The following CDH12 variants were observed in gnomAD, a reference collection of about 807,000 sequenced individuals.
CDH12 encodes cadherin 12.
In CDH12, 41 loss-of-function variants were observed where a neutral mutation model predicts 74.1. The ratio of observed to expected loss-of-function variants is 0.55; its 90% CI spans 0.43 to 0.72. CDH12 has a LOEUF of 0.72. Among genes scored for constraint, CDH12 ranks in the 30% least tolerant of loss-of-function variants. CDH12 has a pLI of 0.00. For missense variants in CDH12, 945 were observed against 977.2 expected, an observed-to-expected ratio of 0.97 and a Z score of 0.44; for synonymous variants, 399 against 355.0, an observed-to-expected ratio of 1.12 and a Z score of -1.39.
rs542928100 is a variant in CDH12 at position 22,713,992 on chromosome 5, C to G, written c.-523+139066G>C. Among the ~76,000 whole-genome samples the G allele has an allele frequency of 2.0e-5, 3 of 152,102 alleles. No individual in the cohort carries two copies. The South Asian group carries it at 6.2e-4, about 32-fold the overall frequency. ...GTTAAGGCCAAATTACCTTGTTGTCCTTGTCCTATTTCACGTTATGTTGTT... is the reference window on the plus strand; with the variant it reads ...GTTAAGGCCAAATTACCTTGTTGTCGTTGTCCTATTTCACGTTATGTTGTT... On this transcript the variant is annotated intron_variant, in intron 1 of 14. Transcript: ENST00000382254.
Position 22,016,482 on chromosome 5 carries a change from G to A in CDH12, c.232-41097C>T, listed in dbSNP as rs1370045426. Among the ~76,000 whole-genome samples the A allele has an allele frequency of 4.6e-5, 7 of 151,794 alleles. No homozygotes were observed. The East Asian group carries it at 7.8e-4, about 17-fold the overall frequency. On this transcript the variant is annotated intron_variant, in intron 5 of 14. Coordinates refer to ENST00000382254, the MANE Select transcript of CDH12 (RefSeq NM_004061.5). ...GCAATCTCGACTCACTTCAACCTCCGCCTCCTGGGTTCAAGTGATTCTCCT... is the reference window on the plus strand; with the variant it reads ...GCAATCTCGACTCACTTCAACCTCCACCTCCTGGGTTCAAGTGATTCTCCT...
intron 5 of CDH12, among the ~76,000 whole-genome samples, chr5:21,999,736 C>T (rs1180319571): frequency 1.3e-5 from 2 of 151,056 alleles, no homozygotes; most frequent in Non-Finnish European, 2.9e-5. Flanking sequence ...AGTATATATA[C>T]TCAGCACTAG....
At chr5:22,234,277 C>A (rs913546836) in intron 3 of CDH12, among the ~76,000 whole-genome samples, 5 of 152,090 alleles carry the variant, frequency 3.3e-5, no homozygotes, top group African/African-American at 1.2e-4. Flanking sequence ...AAATCTCAAC[C>A]TGAATTGAGC....
chr5:22,762,117 A>G (rs1746259674), intron 1 of CDH12, among the ~76,000 whole-genome samples: 1 of 152,154 alleles, frequency 6.6e-6, no homozygotes, highest in South Asian at 2.1e-4. Flanking sequence ...ATCAAAGTCT[A>G]AAACCTAACC....
At position 22,231,171 on chromosome 5, in the gene CDH12, T is replaced by A. The variant is rs73062559; in HGVS notation, c.-332-18528A>T. Among the ~76,000 whole-genome samples, 641 of 152,294 alleles carry A rather than the reference T, an allele frequency of 4.2e-3. 6 individuals carry two copies. The highest frequency in any genetic ancestry group is 0.015 in the African/African-American group (620 of 41,570). The stretch of plus-strand genomic sequence containing the variant: ...TATTTTAATGTGTATTTGTGTTATA[T>A]CAGTATGCAACAGAGTTATCTAAAA... On this transcript the variant is annotated intron_variant, in intron 3 of 14. Transcript: ENST00000382254.
chr5:21,823,266 T>A (rs371752254), intron 8 of CDH12, among the ~76,000 whole-genome samples: 5 of 152,058 alleles, frequency 3.3e-5, no homozygotes, highest in African/African-American at 1.2e-4. Context: ...GACAATACCA[T>A]TGGGTTCTGT....
rs145455236 is a variant in CDH12 at position 21,854,834 on chromosome 5, C to T, written c.527-44G>A. On this transcript the variant is annotated intron_variant, in intron 6 of 14. Transcript: ENST00000382254. The stretch of plus-strand genomic sequence containing the variant: ...TCACTCTAGCATTTTTGTTTTACTA[C>T]TTTCAAGGTCATGACTCTTATCTGC... 18 of 1,579,214 alleles carry T rather than the reference C, an allele frequency of 1.1e-5. No individual in the cohort carries two copies. In the African/African-American group the frequency reaches 1.8e-4, roughly 16 times the overall value.
At chr5:22,018,627 A>G (rs1356904413) in intron 5 of CDH12, among the ~76,000 whole-genome samples, 1 of 152,214 alleles carries the variant, frequency 6.6e-6, no homozygotes, top group Non-Finnish European at 1.5e-5. Flanking sequence ...ACCTTTGTTT[A>G]TGGTTGTTAC....
chr5:22,059,253 C>CTCCATCTATCTA (rs1740985956), intron 5 of CDH12, among the ~76,000 whole-genome samples: 1 of 144,216 alleles, frequency 6.9e-6, no homozygotes, highest in Non-Finnish European at 1.5e-5. Context: ...TTTCCTTGTA[C>CTCCATCTATCTA]TCTATCTATC....
At chr5:21,784,105 T>G (rs764153730) in intron 10 of CDH12, among the ~76,000 whole-genome samples, 3 of 152,140 alleles carry the variant, frequency 2.0e-5, no homozygotes, top group Non-Finnish European at 2.9e-5. Flanking sequence ...AACAGTGACT[T>G]TGGATAATGA....
intron 6 of CDH12, among the ~76,000 whole-genome samples, chr5:21,932,321 C>A (rs2150082168): frequency 6.6e-6 from 1 of 152,170 alleles, no homozygotes; most frequent in South Asian, 2.1e-4. Context: ...TCTATTTTGT[C>A]CTCTAAAAAT....
At chr5:21,969,814 C>A (rs1354355553) in intron 6 of CDH12, among the ~76,000 whole-genome samples, 2 of 152,042 alleles carry the variant, frequency 1.3e-5, no homozygotes, top group Non-Finnish European at 2.9e-5. Flanking sequence ...AGTAATGAGA[C>A]AAATCAAAAA....
chr5:22,023,490 T>A (rs1738131756), intron 5 of CDH12, among the ~76,000 whole-genome samples: 2 of 152,104 alleles, frequency 1.3e-5, no homozygotes, highest in African/African-American at 4.8e-5. Flanking sequence ...TCTATATTTA[T>A]CTGTCTATTA....
At position 22,149,112 on chromosome 5, in the gene CDH12, G is replaced by A. The variant is rs1295621125; in HGVS notation, c.-187+63386C>T. Among the ~76,000 whole-genome samples, 14 of 152,088 alleles carry A rather than the reference G, an allele frequency of 9.2e-5. No homozygotes were observed. In the East Asian group the frequency reaches 1.9e-3, roughly 21 times the overall value. Reference sequence around the variant, plus strand: ...CAGCCTGGGTGACAAGCAAGACTCCGTCTCAAAAAATAAATAAACAAAAGA... The same window carrying A: ...CAGCCTGGGTGACAAGCAAGACTCCATCTCAAAAAATAAATAAACAAAAGA... On this transcript the variant is annotated intron_variant, in intron 4 of 14. Coordinates refer to ENST00000382254, the MANE Select transcript of CDH12 (RefSeq NM_004061.5).
chr5:22,696,980 T>A (rs1354152954), intron 1 of CDH12, among the ~76,000 whole-genome samples: 2 of 152,128 alleles, frequency 1.3e-5, no homozygotes, highest in Non-Finnish European at 2.9e-5. Context: ...AAAGAACTCC[T>A]ACCGTGTAAC....
chr5:22,771,016 C>A (rs537235374), intron 1 of CDH12, among the ~76,000 whole-genome samples: 1 of 152,136 alleles, frequency 6.6e-6, no homozygotes, highest in African/African-American at 2.4e-5. Flanking sequence ...AGTTCAAACT[C>A]AACATAGTAA....
At position 22,516,592 on chromosome 5, in the gene CDH12, C is replaced by T. The variant is rs190023308; in HGVS notation, c.-522-11228G>A. Among the ~76,000 whole-genome samples the T allele has an allele frequency of 1.2e-3, 175 of 151,914 alleles. 1 individual carries two copies. The highest frequency in any genetic ancestry group is 3.3e-4 in the Admixed American group (5 of 15,258). Reference sequence around the variant, plus strand: ...GGTGGATCGCTTGTGTCCAGGAGTTCGAGACCAGCCTGGGCAACATGGCGA... The same window carrying T: ...GGTGGATCGCTTGTGTCCAGGAGTTTGAGACCAGCCTGGGCAACATGGCGA... On this transcript the variant is annotated intron_variant, in intron 1 of 14. Transcript: ENST00000382254.
chr5:21,935,098 T>G (rs1004609826), intron 6 of CDH12, among the ~76,000 whole-genome samples: 7 of 152,248 alleles, frequency 4.6e-5, no homozygotes, highest in Admixed American at 1.3e-4. Context: ...TTTTCTCCTT[T>G]CAATTCTTTC....
intron 3 of CDH12, among the ~76,000 whole-genome samples, chr5:22,250,795 G>A (rs1753109169): frequency 6.6e-6 from 1 of 152,194 alleles, no homozygotes; most frequent in South Asian, 2.1e-4. Flanking sequence ...ACTAATAAGA[G>A]AGGGCTTGCC....
Sources: allele counts gnomAD v4.1 joint callset (sites outside exome capture counted in the v4.1 genomes callset), GRCh38; gene constraint gnomAD v4.1.1; transcripts MANE v1.5; gene names NCBI Gene and HGNC (gene_info 2026-07-23, HGNC 2026-07-21).